Variants in PHACTR1 observed in about 807,000 individuals in gnomAD.
PHACTR1 encodes phosphatase and actin regulator 1.
Under a neutral mutation model 69.2 loss-of-function variants are expected in PHACTR1, and 16 were observed. That is an observed-to-expected ratio of 0.23 (90% CI 0.16 to 0.35). The LOEUF (loss-of-function observed/expected upper bound fraction) is 0.35, where lower values mean the gene tolerates loss of function less well. Among genes scored for constraint, PHACTR1 ranks in the 10% least tolerant of loss-of-function variants. PHACTR1 has a pLI of 1.00. For synonymous variants in PHACTR1, 312 were observed against 284.5 expected, an observed-to-expected ratio of 1.10 and a Z score of -0.97; for missense variants, 510 against 734.7, an observed-to-expected ratio of 0.69 and a Z score of 3.54.
At chr6:12,879,468 G>C (rs1039072010) in intron 4 of PHACTR1, among the ~76,000 whole-genome samples, 2 of 152,052 alleles carry the variant, frequency 1.3e-5, no homozygotes, top group Non-Finnish European at 2.9e-5. Flanking sequence ...CCTTCCCCAG[G>C]TACCCAGTAT....
At chr6:13,286,419 C>G (rs1781709916) in intron 14 of PHACTR1, among the ~76,000 whole-genome samples, 197 bp downstream of exon 14, 1 of 152,166 alleles carries the variant, frequency 6.6e-6, no homozygotes, top group African/African-American at 2.4e-5. Flanking sequence ...GGGCTAAAAC[C>G]AACTTTCTGC....
chr6:13,149,396 C>A (rs1333416554), intron 5 of PHACTR1, among the ~76,000 whole-genome samples: 1 of 151,996 alleles, frequency 6.6e-6, no homozygotes, highest in African/African-American at 2.4e-5. Context: ...TGCACAGAAC[C>A]CTTTTCTCAG....
intron 5 of PHACTR1, among the ~76,000 whole-genome samples, chr6:13,152,769 A>T (rs1262720822): frequency 2.0e-5 from 3 of 152,194 alleles, no homozygotes; most frequent in Non-Finnish European, 4.4e-5. Context: ...CATTGAAAAG[A>T]TTGTTTTACT....
chr6:13,014,060 C>T (rs2127651745), intron 4 of PHACTR1, among the ~76,000 whole-genome samples: 1 of 152,254 alleles, frequency 6.6e-6, no homozygotes, highest in African/African-American at 2.4e-5. Flanking sequence ...ACAACGTGTC[C>T]TTTGTGATCC....
At chr6:12,865,385 G>T (rs1473542247) in intron 4 of PHACTR1, among the ~76,000 whole-genome samples, 1 of 152,152 alleles carries the variant, frequency 6.6e-6, no homozygotes, top group African/African-American at 2.4e-5. Flanking sequence ...ATACCAGCAA[G>T]GTCATACCTG....
intron 4 of PHACTR1, among the ~76,000 whole-genome samples, chr6:12,813,288 C>T (rs977751901): frequency 6.6e-6 from 1 of 152,098 alleles, no homozygotes; most frequent in African/African-American, 2.4e-5. Context: ...TCTGAGAGCC[C>T]TTTTAGAGTT....
chr6:12,893,761 G>C (rs1190649342), intron 4 of PHACTR1, among the ~76,000 whole-genome samples: 1 of 152,124 alleles, frequency 6.6e-6, no homozygotes, highest in East Asian at 1.9e-4. Flanking sequence ...TCTCCCTCAG[G>C]GACAAGCAGC....
chr6:12,720,919 A>G (rs1762041778), intron 3 of PHACTR1, among the ~76,000 whole-genome samples: 1 of 152,260 alleles, frequency 6.6e-6, no homozygotes, highest in Non-Finnish European at 1.5e-5. Flanking sequence ...TAGTGGTTGC[A>G]GGCTCCTCTG....
chr6:12,800,276 A>G (rs1773540318), intron 4 of PHACTR1, among the ~76,000 whole-genome samples: 1 of 152,224 alleles, frequency 6.6e-6, no homozygotes, highest in Non-Finnish European at 1.5e-5. Flanking sequence ...AAATATAAAG[A>G]TTATCATTCC....
chr6:12,853,355 C>A (rs1780015987), intron 4 of PHACTR1, among the ~76,000 whole-genome samples: 1 of 152,176 alleles, frequency 6.6e-6, no homozygotes, highest in South Asian at 2.1e-4. Flanking sequence ...GCAAAAGAAG[C>A]TGATCAGATT....
chr6:13,100,228 A>C (rs970338073), intron 5 of PHACTR1, among the ~76,000 whole-genome samples: 1 of 152,236 alleles, frequency 6.6e-6, no homozygotes, highest in East Asian at 1.9e-4. Context: ...CCCAAGAAAC[A>C]GGTAAACTTG....
intron 3 of PHACTR1, among the ~76,000 whole-genome samples, chr6:12,731,598 T>C (rs962854503): frequency 6.6e-6 from 1 of 152,218 alleles, no homozygotes; most frequent in Non-Finnish European, 1.5e-5. Context: ...TGCCAAGGGC[T>C]TTGTATTTAT....
intron 8 of PHACTR1, among the ~76,000 whole-genome samples, chr6:13,215,677 A>G (rs1439009700): frequency 6.6e-6 from 1 of 152,256 alleles, no homozygotes; most frequent in Non-Finnish European, 1.5e-5. Context: ...TGGTTTACTC[A>G]TGTACTTATG....
chr6:12,869,641 A>G (rs1375330370), intron 4 of PHACTR1, among the ~76,000 whole-genome samples: 1 of 152,174 alleles, frequency 6.6e-6, no homozygotes, highest in Non-Finnish European at 1.5e-5. Context: ...TGCTGACCAT[A>G]GTGCTTTTGT....
rs78199122 is a variant in PHACTR1 at position 13,196,195 on chromosome 6, A to C, written c.665-9620A>C. Among the ~76,000 whole-genome samples the C allele has an allele frequency of 3.3e-3, 499 of 151,112 alleles. 2 individuals are homozygous for C. The highest frequency in any genetic ancestry group is 0.012 in the African/African-American group (474 of 41,132). ...AGTAGTGTGTATCCTCCAACAATTA[A>C]TAAATATCATGCATCAGATAGATGC... On this transcript the variant is annotated intron_variant, in intron 7 of 14. Transcript: ENST00000332995.
intron 5 of PHACTR1, among the ~76,000 whole-genome samples, chr6:13,105,590 A>C (rs568328266): frequency 6.6e-6 from 1 of 152,258 alleles, no homozygotes; most frequent in African/African-American, 2.4e-5. Flanking sequence ...GTCCCTAACA[A>C]GACTGCCCTT....
In PHACTR1 at chr6:13,054,555, G is replaced by A. The variant is rs538695664; in HGVS notation, c.415+1026G>A. Among the ~76,000 whole-genome samples the A allele has an allele frequency of 3.3e-3, 502 of 152,314 alleles. 1 individual carries two copies. Among genetic ancestry groups the A allele is most frequent in the South Asian group, 7.9e-3 (38 of 4,828 alleles). ...AGGCCTCTTCTCTTGGCTTGTAGGC[G>A]GCAGCCATCTTGCTGTACACTCACA... On this transcript the variant is annotated intron_variant, in intron 5 of 14. Coordinates refer to ENST00000332995, the MANE Select transcript of PHACTR1 (RefSeq NM_030948.6).
chr6:13,190,617 G>A (rs1763444005), intron 7 of PHACTR1, among the ~76,000 whole-genome samples: 1 of 152,068 alleles, frequency 6.6e-6, no homozygotes, highest in Admixed American at 6.6e-5. Context: ...AGACCCAAAG[G>A]AGACAGTTTG....
chr6:12,770,705 T>C (rs1441348223), intron 4 of PHACTR1, among the ~76,000 whole-genome samples: 1 of 152,146 alleles, frequency 6.6e-6, no homozygotes, highest in Admixed American at 6.5e-5. Context: ...TCTCTGCCAT[T>C]GAGGAGCACC....
Sources: gnomAD v4.1 joint callset for allele counts (sites outside exome capture counted in the v4.1 genomes callset) on GRCh38, gnomAD v4.1.1 for gene constraint, MANE v1.5 for transcripts, NCBI Gene and HGNC (gene_info 2026-07-23, HGNC 2026-07-21) for gene names.